Variants in SLC16A7 observed in about 807,000 individuals in gnomAD.
The protein encoded by SLC16A7 is monocarboxylate transporter 2.
Under a neutral mutation model 34.9 loss-of-function variants are expected in SLC16A7, and 33 were observed. The observed-to-expected ratio is 0.94, with a 90% CI of 0.72 to 1.26. The LOEUF (loss-of-function observed/expected upper bound fraction) is 1.26. Ranked by LOEUF, SLC16A7 falls within the 50% of genes most tolerant of loss-of-function variation. SLC16A7 has a pLI of 0.00. For missense variants in SLC16A7, 573 were observed against 578.1 expected (o/e 0.99, Z 0.09); for synonymous variants, 201 against 206.6 (o/e 0.97, Z 0.23).
At chr12:59,640,071 G>A (rs1408550949) in intron 1 of SLC16A7, among the ~76,000 whole-genome samples, 4 of 152,076 alleles carry the variant, frequency 2.6e-5, no homozygotes, top group African/African-American at 9.7e-5. Context: ...ATAGTCACAC[G>A]GAATTGGTGC....
At chr12:59,634,625 T>C (rs1880333211) in intron 1 of SLC16A7, among the ~76,000 whole-genome samples, 1 of 152,002 alleles carries the variant, frequency 6.6e-6, no homozygotes, top group Admixed American at 6.6e-5. Flanking sequence ...CCTGAGTAGA[T>C]ATCCAGGGCA....
chr12:59,720,042 T>C, intron 3 of SLC16A7: 1 of 688,624 alleles, frequency 1.5e-6, no homozygotes, highest in South Asian at 1.5e-5. Context: ...GGAATAGGAA[T>C]GCCTCATGAC....
intron 2 of SLC16A7, among the ~76,000 whole-genome samples, chr12:59,657,656 A>G (rs1307805266): frequency 6.6e-6 from 1 of 151,998 alleles, no homozygotes; most frequent in African/African-American, 2.4e-5. Flanking sequence ...TGGTGGTAGC[A>G]TATATTTGAT....
At chr12:59,610,370 C>A (rs1273608549) in intron 1 of SLC16A7, among the ~76,000 whole-genome samples, 1 of 152,096 alleles carries the variant, frequency 6.6e-6, no homozygotes, top group African/African-American at 2.4e-5. Context: ...AAAGTGTTAA[C>A]CTTATAAATT....
chr12:59,665,372 A>G (rs1869107409), intron 2 of SLC16A7, among the ~76,000 whole-genome samples: 2 of 152,188 alleles, frequency 1.3e-5, no homozygotes, highest in South Asian at 4.2e-4. Context: ...TCATATTATA[A>G]TGCCAAAAGT....
intron 3 of SLC16A7, among the ~76,000 whole-genome samples, chr12:59,720,542 T>C (rs1250937167): frequency 6.6e-6 from 1 of 152,018 alleles, no homozygotes; most frequent in African/African-American, 2.4e-5. Flanking sequence ...TAGGGGAAAA[T>C]TATATATCCA....
At chr12:59,733,754 A>G (rs1430958615) in intron 3 of SLC16A7, 2 of 456,044 alleles carry the variant, frequency 4.4e-6, no homozygotes, top group Non-Finnish European at 8.8e-6. Flanking sequence ...GGAAGAATGA[A>G]GCACATGGAC....
intron 2 of SLC16A7, among the ~76,000 whole-genome samples, chr12:59,687,517 C>G (rs933215189): frequency 3.9e-5 from 6 of 152,158 alleles, no homozygotes; most frequent in Non-Finnish European, 8.8e-5. Context: ...AGATTCCTCA[C>G]TATTGCCTGC....
At chr12:59,776,791 A>G (rs972595871) in intron 5 of SLC16A7, among the ~76,000 whole-genome samples, 3 of 152,128 alleles carry the variant, frequency 2.0e-5, no homozygotes, top group Admixed American at 6.6e-5. Context: ...TATCTAGCAC[A>G]GGTGTTTTAG....
At chr12:59,699,888 A>G (rs1366099645) in intron 2 of SLC16A7, among the ~76,000 whole-genome samples, 1 of 151,742 alleles carries the variant, frequency 6.6e-6, no homozygotes, top group African/African-American at 2.4e-5. Flanking sequence ...GTTTTCTCTC[A>G]TACTGTAAAC....
At chr12:59,667,988 G>T (rs1485028664) in intron 2 of SLC16A7, among the ~76,000 whole-genome samples, 1 of 152,214 alleles carries the variant, frequency 6.6e-6, no homozygotes, top group Non-Finnish European at 1.5e-5. Context: ...GCTTCCACGT[G>T]GTGTTGAGCC....
chr12:59,649,777 C>T (rs370814908), intron 1 of SLC16A7, among the ~76,000 whole-genome samples: 1 of 151,960 alleles, frequency 6.6e-6, no homozygotes, highest in Non-Finnish European at 1.5e-5. Context: ...GGCGAAACCC[C>T]GTCTCTACTA....
chr12:59,600,442 G>T (rs1216665713), intron 1 of SLC16A7, among the ~76,000 whole-genome samples: 2 of 151,960 alleles, frequency 1.3e-5, no homozygotes, highest in Non-Finnish European at 2.9e-5. Flanking sequence ...CTGCACACTA[G>T]CTCTCAGTGA....
At chr12:59,600,588 G>C (rs1198402478) in intron 1 of SLC16A7, among the ~76,000 whole-genome samples, 1 of 152,012 alleles carries the variant, frequency 6.6e-6, no homozygotes, top group African/African-American at 2.4e-5. Context: ...TGAGAGACTA[G>C]CCTAAAATGG....
rs141843259 is a variant in SLC16A7, at chr12:59,635,591, G to T, written c.-129-19561G>T. Among the ~76,000 whole-genome samples, 584 of 152,042 alleles carry T rather than the reference G, an allele frequency of 3.8e-3. 3 individuals carry two copies. The highest frequency in any genetic ancestry group is 0.013 in the African/African-American group (557 of 41,488). ...AGCAGTTTGAAACTTATTTTTATCT[G>T]TTTGAAAATCCATGTATCAGTTATA... On this transcript the variant is annotated intron_variant, in intron 1 of 5. Coordinates refer to ENST00000547379, the MANE Select transcript of SLC16A7 (RefSeq NM_001270623.2).
chr12:59,750,960 A>G (rs1161999592), intron 3 of SLC16A7, among the ~76,000 whole-genome samples: 1 of 152,034 alleles, frequency 6.6e-6, no homozygotes, highest in East Asian at 1.9e-4. Context: ...CTAACACAGG[A>G]ACAGAAAACC....
At chr12:59,634,725 G>A (rs1003479231) in intron 1 of SLC16A7, among the ~76,000 whole-genome samples, 2 of 152,042 alleles carry the variant, frequency 1.3e-5, no homozygotes, top group African/African-American at 2.4e-5. Context: ...GCACAGATGG[G>A]CCTTGAAGAA....
At chr12:59,735,768 C>A (rs986147996) in intron 3 of SLC16A7, among the ~76,000 whole-genome samples, 2 of 151,890 alleles carry the variant, frequency 1.3e-5, no homozygotes, top group Non-Finnish European at 2.9e-5. Context: ...TTTTTGAACA[C>A]TTTATTAATA....
chr12:59,681,013 C>T (rs1002411159), intron 2 of SLC16A7, among the ~76,000 whole-genome samples: 2 of 152,214 alleles, frequency 1.3e-5, no homozygotes, highest in Non-Finnish European at 2.9e-5. Flanking sequence ...AAAACACTGC[C>T]TATGTAAAGT....
Sources: allele counts gnomAD v4.1 joint callset (sites outside exome capture counted in the v4.1 genomes callset), GRCh38; gene constraint gnomAD v4.1.1; transcripts MANE v1.5; gene names NCBI Gene and HGNC (gene_info 2026-07-23, HGNC 2026-07-21).